DCTN6: variants seen among roughly 807,000 people sequenced by gnomAD.
The protein encoded by DCTN6 is dynactin 6.
In DCTN6, 15 loss-of-function variants were observed where a neutral mutation model predicts 25.8. The observed-to-expected ratio is 0.58, with a 90% CI of 0.39 to 0.89. The LOEUF (loss-of-function observed/expected upper bound fraction) is 0.89. Among genes scored for constraint, DCTN6 ranks in the 40% least tolerant of loss-of-function variants. DCTN6 has a pLI of 0.00. For missense variants in DCTN6, 198 were observed against 237.6 expected, an observed-to-expected ratio of 0.83 and a Z score of 1.09; for synonymous variants, 64 against 78.3, an observed-to-expected ratio of 0.82 and a Z score of 0.96.
intron 2 of DCTN6, among the ~76,000 whole-genome samples, chr8:30,172,222 G>T (rs1803772797): frequency 6.6e-6 from 1 of 151,934 alleles, no homozygotes; most frequent in Non-Finnish European, 1.5e-5. Context: ...AGGGACCTGT[G>T]AAATAAATTA....
At chr8:30,170,769 T>G (rs1239651869) in intron 2 of DCTN6, among the ~76,000 whole-genome samples, 2 of 68 alleles carry the variant, frequency 0.029, no homozygotes, top group African/African-American at 0.091. Flanking sequence ...AGCCTCCCAA[T>G]AGCTGGGATT....
chr8:30,162,893 T>C (rs1444354573), intron 1 of DCTN6, among the ~76,000 whole-genome samples: 1 of 152,240 alleles, frequency 6.6e-6, no homozygotes, highest in Non-Finnish European at 1.5e-5. Flanking sequence ...GTATATTTTT[T>C]CTTCCTACCT....
intron 5 of DCTN6, among the ~76,000 whole-genome samples, chr8:30,180,259 G>A (rs1038298873): frequency 2.6e-5 from 4 of 152,082 alleles, no homozygotes; most frequent in Non-Finnish European, 4.4e-5. Context: ...ACTTTGCAGC[G>A]ACTTTCCCAA....
intron 5 of DCTN6, 71 bp from the exon 6 acceptor site, chr8:30,180,417 C>T: frequency 1.3e-6 from 2 of 1,544,978 alleles, no homozygotes; most frequent in South Asian, 2.5e-5. Context: ...ATACCTAAAT[C>T]ACCTTAAGAA....
chr8:30,159,262 G>GT, intron 1 of DCTN6, among the ~76,000 whole-genome samples: 1 of 152,050 alleles, frequency 6.6e-6, no homozygotes, highest in Non-Finnish European at 1.5e-5. Context: ...TTTGATACAT[G>GT]TTTTTTTGTT....
intron 2 of DCTN6, among the ~76,000 whole-genome samples, chr8:30,166,581 A>G (rs1314842371): frequency 6.6e-6 from 1 of 152,192 alleles, no homozygotes; most frequent in African/African-American, 2.4e-5. Context: ...CAGATTTGAA[A>G]TAACATCTTT....
chr8:30,170,487 A>G (rs1328374438), intron 2 of DCTN6, among the ~76,000 whole-genome samples: 1 of 152,188 alleles, frequency 6.6e-6, no homozygotes, highest in Non-Finnish European at 1.5e-5. Context: ...CACAGCCCTC[A>G]GATTTCTAAC....
intron 1 of DCTN6, among the ~76,000 whole-genome samples, chr8:30,156,875 G>A (rs1803534040): frequency 6.6e-6 from 1 of 152,212 alleles, no homozygotes; most frequent in Non-Finnish European, 1.5e-5. Flanking sequence ...TCTGGAGGGT[G>A]GGGTGTGTAA....
intron 5 of DCTN6, 77 bp from the exon 6 acceptor site, chr8:30,180,411 C>T: frequency 6.5e-7 from 1 of 1,536,014 alleles, no homozygotes; most frequent in Non-Finnish European, 8.8e-7. Context: ...ATTTTTATAC[C>T]TAAATCACCT....
rs758567797 is a variant in DCTN6 at position 30,164,139 on chromosome 8, T to A, written c.52T>A (p.Cys18Ser). ...SVKIAPGAVV[C>S]VESEIRGDVT... The stretch of plus-strand genomic sequence containing the variant: ...GAAGATTGCTCCTGGAGCAGTTGTA[T>A]GTGTAGAAAGTGAAATCAGAGGAGA... Residue 18 changes from cysteine to serine, a missense_variant, in exon 2 of 7, where the codon TGT becomes AGT. By Grantham distance (112) the Cys-to-Ser change is moderately radical (BLOSUM62 -1). Coordinates refer to ENST00000221114, the MANE Select transcript of DCTN6 (RefSeq NM_006571.4). 1 of 1,613,998 alleles carries A rather than the reference T, an allele frequency of 6.2e-7. No individual in the cohort carries two copies. The highest frequency in any genetic ancestry group is 8.5e-7 in the Non-Finnish European group (1 of 1,179,834).
At chr8:30,168,406 C>A (rs1029058822) in intron 2 of DCTN6, among the ~76,000 whole-genome samples, 1 of 152,168 alleles carries the variant, frequency 6.6e-6, no homozygotes, top group African/African-American at 2.4e-5. Context: ...CTGGGAGATA[C>A]AATTATAAAA....
chr8:30,183,330 A>G lies in DCTN6; in HGVS notation c.*157A>G. On this transcript the variant is annotated 3_prime_UTR_variant, in exon 7 of 7. Transcript: ENST00000221114. ...AGGAAACTAATGGAGTTTCATTGTA[A>G]CTGTCCTTTGTAATTTATATAAATG... The G allele has an allele frequency of 2.1e-6, 1 of 482,602 alleles. No individual in the cohort carries two copies. Among genetic ancestry groups the G allele is most frequent in the Non-Finnish European group, 3.6e-6 (1 of 276,114 alleles). 29.9% of individuals were successfully genotyped at this position (482,602 alleles called of 1,614,324 possible). A position where few individuals can be genotyped will look rare whatever the true frequency, so the allele number is the denominator to read the frequency against.
At chr8:30,181,079 T>C (rs1803905560) in intron 6 of DCTN6, 1 of 166,616 alleles carries the variant, frequency 6.0e-6, no homozygotes, top group African/African-American at 2.4e-5. Flanking sequence ...CAGGATTTAA[T>C]TGCAGTTCAA....
At chr8:30,159,621 C>G in intron 1 of DCTN6, among the ~76,000 whole-genome samples, 1 of 152,096 alleles carries the variant, frequency 6.6e-6, no homozygotes, top group East Asian at 1.9e-4. Flanking sequence ...CTGAGTTTAT[C>G]TAAAATTTAG....
chr8:30,156,612 T>C (rs565444718), intron 1 of DCTN6, among the ~76,000 whole-genome samples: 249 of 152,048 alleles, frequency 1.6e-3, no homozygotes, highest in African/African-American at 5.9e-3. Context: ...AGTCGCTGCC[T>C]GGAAGGTTTT....
Position 30,183,414 on chromosome 8 carries a change from T to C in DCTN6, c.*241T>C. 3.1e-6 allele frequency: 1 copy of C among 321,402 alleles called. No homozygotes were observed. The highest frequency in any genetic ancestry group is 5.7e-6 in the Non-Finnish European group (1 of 176,666). The allele number at this position is 321,402 out of a possible 1,614,324, so 19.9% of individuals were successfully genotyped here. ...TAATTTACAGATTTAGCTTTTCTTT[T>C]GTTATATAAACTGCTAGCCACAAAT... On this transcript the variant is annotated 3_prime_UTR_variant, in exon 7 of 7. Coordinates refer to ENST00000221114, the MANE Select transcript of DCTN6 (RefSeq NM_006571.4).
At chr8:30,180,022 A>G (rs955039979) in intron 5 of DCTN6, among the ~76,000 whole-genome samples, 8 of 152,180 alleles carry the variant, frequency 5.3e-5, no homozygotes, top group Non-Finnish European at 1.2e-4. Flanking sequence ...ACGAAAGAAA[A>G]TGCTTCTTTT....
chr8:30,165,917 T>A (rs1803662542), intron 2 of DCTN6: 1 of 152,118 alleles, frequency 6.6e-6, no homozygotes, highest in Non-Finnish European at 1.5e-5. Flanking sequence ...TTGATTTAAT[T>A]ATTTCTTTTC....
rs993205160 is a variant in DCTN6, at chr8:30,183,380, C to A, written c.*207C>A. On this transcript the variant is annotated 3_prime_UTR_variant, in exon 7 of 7. Coordinates refer to ENST00000221114, the MANE Select transcript of DCTN6 (RefSeq NM_006571.4). ...GTATTATTTTCCTATATCCTTGGTT[C>A]TTTTCTGATAATTTACAGATTTAGC... is the stretch of plus-strand genomic sequence containing the variant. The A allele has an allele frequency of 2.7e-6, 1 of 376,500 alleles. No individual in the cohort carries two copies. The highest frequency in any genetic ancestry group is 4.7e-6 in the Non-Finnish European group (1 of 211,770). 23.3% of individuals were successfully genotyped at this position (376,500 alleles called of 1,614,324 possible).
Sources: allele counts gnomAD v4.1 joint callset (sites outside exome capture counted in the v4.1 genomes callset), GRCh38; gene constraint gnomAD v4.1.1; transcripts MANE v1.5; gene names NCBI Gene and HGNC (gene_info 2026-07-23, HGNC 2026-07-21).